Variants in PARD3 observed in about 807,000 individuals in gnomAD.
PARD3 encodes partitioning defective 3 homolog.
Under a neutral mutation model 155.4 loss-of-function variants are expected in PARD3, and 75 were observed. The ratio of observed to expected loss-of-function variants is 0.48; its 90% CI spans 0.40 to 0.58. The LOEUF (loss-of-function observed/expected upper bound fraction) is 0.58. PARD3 is among the 20% of genes least tolerant of loss of function. PARD3 has a pLI of 0.00. For synonymous variants in PARD3, 576 were observed against 610.5 expected, an observed-to-expected ratio of 0.94 and a Z score of 0.83; for missense variants, 1,642 against 1,721.7, an observed-to-expected ratio of 0.95 and a Z score of 0.82.
intron 24 of PARD3, among the ~76,000 whole-genome samples, chr10:34,112,032 T>A (rs1946410419): frequency 6.6e-6 from 1 of 152,218 alleles, no homozygotes; most frequent in African/African-American, 2.4e-5. Context: ...AAGCGCTAGC[T>A]AATATGAAGT....
chr10:34,783,127 G>C (rs1372526010), intron 1 of PARD3, among the ~76,000 whole-genome samples: 4 of 152,016 alleles, frequency 2.6e-5, no homozygotes, highest in African/African-American at 9.7e-5. Flanking sequence ...TTAATCCAAG[G>C]GACAATAGGT....
chr10:34,252,100 G>A (rs1954346285), intron 22 of PARD3, among the ~76,000 whole-genome samples: 1 of 152,172 alleles, frequency 6.6e-6, no homozygotes, highest in Non-Finnish European at 1.5e-5. Flanking sequence ...GCAGGGAAGG[G>A]AGTCAGGGTG....
chr10:34,762,068 A>G (rs1186777922), intron 1 of PARD3, among the ~76,000 whole-genome samples: 3 of 152,216 alleles, frequency 2.0e-5, no homozygotes, highest in Non-Finnish European at 4.4e-5. Context: ...TTGACATTGA[A>G]ATAAGTTGGT....
At chr10:34,804,442 A>T (rs1173284946) in intron 1 of PARD3, among the ~76,000 whole-genome samples, 1 of 152,236 alleles carries the variant, frequency 6.6e-6, no homozygotes, top group Non-Finnish European at 1.5e-5. Context: ...GATTAGTCAC[A>T]TCCTGTGTTG....
intron 2 of PARD3, among the ~76,000 whole-genome samples, chr10:34,597,476 G>A (rs746692369): frequency 6.6e-6 from 1 of 151,934 alleles, no homozygotes; most frequent in African/African-American, 2.4e-5. Context: ...CACCCAGGCT[G>A]GAGTAGGAGT....
intron 1 of PARD3, among the ~76,000 whole-genome samples, chr10:34,770,612 C>A (rs934008549): frequency 1.3e-5 from 2 of 152,192 alleles, no homozygotes; most frequent in African/African-American, 4.8e-5. Context: ...GAGCAGAAAA[C>A]GCTAGCCTTG....
intron 2 of PARD3, among the ~76,000 whole-genome samples, chr10:34,542,237 GT>G (rs2083684254): frequency 6.8e-6 from 1 of 147,316 alleles, no homozygotes. Context: ...GTGTGTGTGT[GT>G]GCACACACAC....
At chr10:34,367,369 G>T (rs549038834) in intron 12 of PARD3, among the ~76,000 whole-genome samples, 1 of 152,122 alleles carries the variant, frequency 6.6e-6, no homozygotes, top group Non-Finnish European at 1.5e-5. Flanking sequence ...TAATACAATC[G>T]ATTTAATCAT....
intron 22 of PARD3, among the ~76,000 whole-genome samples, chr10:34,160,496 T>C (rs548019088): frequency 3.9e-5 from 6 of 152,216 alleles, no homozygotes; most frequent in Non-Finnish European, 5.9e-5. Flanking sequence ...TTTTAAAAAA[T>C]GTGCTAAAAT....
intron 2 of PARD3, among the ~76,000 whole-genome samples, chr10:34,572,545 G>C (rs2086504747): frequency 6.6e-6 from 1 of 151,840 alleles, no homozygotes; most frequent in African/African-American, 2.4e-5. Context: ...AGGCTGAGAG[G>C]GAGGAGAATT....
intron 2 of PARD3, among the ~76,000 whole-genome samples, chr10:34,639,831 A>C (rs1189133830): frequency 6.6e-6 from 1 of 151,984 alleles, no homozygotes; most frequent in African/African-American, 2.4e-5. Context: ...GCAACACTGC[A>C]CTCCAGCCTC....
At chr10:34,692,603 G>A (rs1332849317) in intron 2 of PARD3, among the ~76,000 whole-genome samples, 2 of 152,182 alleles carry the variant, frequency 1.3e-5, no homozygotes, top group Non-Finnish European at 2.9e-5. Context: ...GGCCAGGCGT[G>A]GTGGCTTACG....
intron 2 of PARD3, among the ~76,000 whole-genome samples, chr10:34,552,751 T>C (rs530407036): frequency 1.3e-5 from 2 of 151,912 alleles, no homozygotes; most frequent in African/African-American, 4.8e-5. Context: ...TCTTCCAGAA[T>C]CTAATTTTTA....
chr10:34,384,595 T>C (rs1842161381), intron 7 of PARD3, among the ~76,000 whole-genome samples: 1 of 152,194 alleles, frequency 6.6e-6, no homozygotes, highest in Non-Finnish European at 1.5e-5. Flanking sequence ...GCATGTATTT[T>C]TGAATGGCTT....
intron 22 of PARD3, among the ~76,000 whole-genome samples, chr10:34,246,678 G>T (rs921188038): frequency 5.3e-5 from 8 of 149,874 alleles, no homozygotes; most frequent in African/African-American, 2.0e-4. Flanking sequence ...TTTGTGAAAA[G>T]AATAAATACC....
chr10:34,767,779 T>C (rs1341614950), intron 1 of PARD3, among the ~76,000 whole-genome samples: 9 of 151,886 alleles, frequency 5.9e-5, no homozygotes, highest in Admixed American at 5.9e-4. Context: ...TTTTGTATTT[T>C]TAGTACAGAC....
intron 22 of PARD3, among the ~76,000 whole-genome samples, chr10:34,158,208 G>A (rs1949105607): frequency 1.3e-5 from 2 of 151,898 alleles, no homozygotes; most frequent in Non-Finnish European, 2.9e-5. Flanking sequence ...GCAAGACTTC[G>A]TTTCTCCAAA....
chr10:34,752,646 G>C (rs1377043644), intron 1 of PARD3, among the ~76,000 whole-genome samples: 1 of 152,092 alleles, frequency 6.6e-6, no homozygotes, highest in Non-Finnish European at 1.5e-5. Flanking sequence ...TCAAATACTT[G>C]CTGCCTCTCA....
intron 2 of PARD3, among the ~76,000 whole-genome samples, chr10:34,591,439 C>T (rs897561315): frequency 2.0e-5 from 3 of 152,184 alleles, no homozygotes; most frequent in African/African-American, 7.2e-5. Context: ...GTTTCTACCA[C>T]ATGTCGAACA....
Sources: gnomAD v4.1 joint callset for allele counts (sites outside exome capture counted in the v4.1 genomes callset) on GRCh38, gnomAD v4.1.1 for gene constraint, MANE v1.5 for transcripts, NCBI Gene and HGNC (gene_info 2026-07-23, HGNC 2026-07-21) for gene names.